ASAP1: variants seen among roughly 807,000 people sequenced by gnomAD.
ASAP1 encodes the protein ArfGAP with SH3 domain, ankyrin repeat and PH domain 1.
ASAP1 carries 43 observed loss-of-function variants against 145.2 expected under a neutral mutation model. That is an observed-to-expected ratio of 0.30 (90% CI 0.23 to 0.38). The LOEUF is 0.38. Ranked by LOEUF, ASAP1 falls within the 10% of genes least tolerant of loss-of-function variation. The probability of loss-of-function intolerance (pLI) is 1.00; values close to 1 mark genes in which losing one functional copy is unlikely to be tolerated. For missense variants in ASAP1, 1,018 were observed against 1,355.3 expected (o/e 0.75, Z 3.91); for synonymous variants, 546 against 515.5 (o/e 1.06, Z -0.80).
intron 12 of ASAP1, 70 bp downstream of exon 12, chr8:130,159,794 C>T: frequency 8.0e-7 from 1 of 1,244,430 alleles, no homozygotes; most frequent in Non-Finnish European, 1.2e-6. Context: ...GTGTGTTTCC[C>T]TATATGAGAG....
At chr8:130,151,370 C>CAAAAAAAAAAAAAAAAAAAAAA (rs58367856) in intron 13 of ASAP1, among the ~76,000 whole-genome samples, 1 of 62,820 alleles carries the variant, frequency 1.6e-5, no homozygotes, top group Non-Finnish European at 3.0e-5. Flanking sequence ...GACTCAGTCT[C>CAAAAAAAAAAAAAAAAAAAAAA]AAAAAAAAAA....
chr8:130,179,887 T>C (rs1405983776), intron 8 of ASAP1, among the ~76,000 whole-genome samples: 1 of 152,094 alleles, frequency 6.6e-6, no homozygotes, highest in African/African-American at 2.4e-5. Context: ...ATTGACACTG[T>C]TTGCTCACTT....
chr8:130,310,866 C>A (rs770159267), intron 3 of ASAP1, among the ~76,000 whole-genome samples: 6 of 152,158 alleles, frequency 3.9e-5, no homozygotes, highest in South Asian at 2.1e-4. Context: ...AATAAACAAG[C>A]TTAACATGAT....
intron 12 of ASAP1, among the ~76,000 whole-genome samples, chr8:130,156,838 C>T (rs919097444): frequency 1.3e-5 from 2 of 152,182 alleles, no homozygotes; most frequent in Non-Finnish European, 1.5e-5. Flanking sequence ...TTTACTTGAA[C>T]ACTTTAGGGT....
intron 3 of ASAP1, among the ~76,000 whole-genome samples, chr8:130,300,095 CAAG>C (rs1421783536): frequency 7.8e-6 from 1 of 128,114 alleles, no homozygotes; most frequent in Non-Finnish European, 1.7e-5. Context: ...CTTGGCCAAA[CAAG>C]AAGTAAAAGA....
intron 2 of ASAP1, among the ~76,000 whole-genome samples, chr8:130,384,602 C>T (rs986705032): frequency 2.2e-4 from 34 of 152,282 alleles, no homozygotes; most frequent in Middle Eastern, 3.4e-3. Flanking sequence ...CCTTGGCCTC[C>T]CGAGTAGCTG....
At chr8:130,310,348 G>A (rs760255858) in intron 3 of ASAP1, among the ~76,000 whole-genome samples, 37 of 152,128 alleles carry the variant, frequency 2.4e-4, no homozygotes, top group Non-Finnish European at 4.3e-4. Flanking sequence ...TTAACTAAGT[G>A]ATAAGTTAGC....
In ASAP1 at chr8:130,335,173, T is replaced by C. The variant is rs558246423; in HGVS notation, c.186+22844A>G. Reference sequence around the variant, plus strand: ...ACAAGCACTTACTTCCCCAGACTATTATCTCAGGCTGTATTCCCTTTCATT... The same window carrying C: ...ACAAGCACTTACTTCCCCAGACTATCATCTCAGGCTGTATTCCCTTTCATT... On this transcript the variant is annotated intron_variant, in intron 3 of 29. Transcript: ENST00000518721. Among the ~76,000 whole-genome samples, 4 of 152,354 alleles carry C rather than the reference T, an allele frequency of 2.6e-5. No homozygotes were observed. In the East Asian group the frequency reaches 7.7e-4, roughly 29 times the overall value.
At chr8:130,245,472 A>G (rs1332148035) in intron 3 of ASAP1, among the ~76,000 whole-genome samples, 1 of 152,156 alleles carries the variant, frequency 6.6e-6, no homozygotes, top group Non-Finnish European at 1.5e-5. Flanking sequence ...GTTACTTCAC[A>G]GTTCAGATCC....
At chr8:130,212,389 G>T (rs560488006) in intron 5 of ASAP1, among the ~76,000 whole-genome samples, 4 of 152,194 alleles carry the variant, frequency 2.6e-5, no homozygotes, top group African/African-American at 9.7e-5. Context: ...GTAGCTTGAG[G>T]TATGTATATG....
chr8:130,228,984 A>T (rs180707803), intron 4 of ASAP1, among the ~76,000 whole-genome samples: 5 of 152,150 alleles, frequency 3.3e-5, no homozygotes, highest in Non-Finnish European at 7.4e-5. Context: ...TACATGTCTG[A>T]TCAATTACCC....
At chr8:130,304,204 T>TA (rs775990654) in intron 3 of ASAP1, among the ~76,000 whole-genome samples, 1 of 150,816 alleles carries the variant, frequency 6.6e-6, no homozygotes, top group Non-Finnish European at 1.5e-5. Context: ...CTTTTTGGCT[T>TA]AAAAAAAGAA....
intron 3 of ASAP1, among the ~76,000 whole-genome samples, chr8:130,313,219 C>G (rs1014290905): frequency 2.6e-5 from 4 of 152,026 alleles, no homozygotes; most frequent in Admixed American, 6.6e-5. Context: ...ATCCCTAAAG[C>G]CTGCAGATAA....
At chr8:130,203,976 A>C (rs1816035161) in intron 5 of ASAP1, among the ~76,000 whole-genome samples, 1 of 152,216 alleles carries the variant, frequency 6.6e-6, no homozygotes, top group Non-Finnish European at 1.5e-5. Flanking sequence ...CATTATGTCC[A>C]AAACAGGATG....
At chr8:130,410,510 C>T (rs1402505782) in intron 1 of ASAP1, among the ~76,000 whole-genome samples, 1 of 152,226 alleles carries the variant, frequency 6.6e-6, no homozygotes, top group Non-Finnish European at 1.5e-5. Context: ...CAGGCTCAAC[C>T]CAGTCTGGGC....
At chr8:130,168,764 T>A (rs1239958039) in intron 10 of ASAP1, among the ~76,000 whole-genome samples, 1 of 152,196 alleles carries the variant, frequency 6.6e-6, no homozygotes, top group African/African-American at 2.4e-5. Flanking sequence ...CTGGAACTGA[T>A]GGCTGTATAC....
At chr8:130,420,755 G>A (rs748923323) in intron 1 of ASAP1, among the ~76,000 whole-genome samples, 1 of 151,986 alleles carries the variant, frequency 6.6e-6, no homozygotes, top group Non-Finnish European at 1.5e-5. Context: ...TTAGCCAGGC[G>A]TAGTGGTGCA....
At chr8:130,102,406 T>A (rs2097530237) in intron 24 of ASAP1, among the ~76,000 whole-genome samples, 1 of 152,258 alleles carries the variant, frequency 6.6e-6, no homozygotes, top group African/African-American at 2.4e-5. Flanking sequence ...CATTTATTGA[T>A]TAGCGTATGT....
intron 5 of ASAP1, among the ~76,000 whole-genome samples, chr8:130,194,082 C>T (rs952724763): frequency 6.6e-5 from 10 of 152,128 alleles, no homozygotes; most frequent in Admixed American, 5.2e-4. Flanking sequence ...TGGTTATCTA[C>T]ACACATTCTT....
Sources: gnomAD v4.1 joint callset for allele counts (sites outside exome capture counted in the v4.1 genomes callset) on GRCh38, gnomAD v4.1.1 for gene constraint, MANE v1.5 for transcripts, NCBI Gene and HGNC (gene_info 2026-07-23, HGNC 2026-07-21) for gene names.